CNTNAP2: variants seen among roughly 807,000 people sequenced by gnomAD.
CNTNAP2 encodes contactin associated protein 2, also known as contactin-associated protein-like 2.
Under a neutral mutation model 155.2 loss-of-function variants are expected in CNTNAP2, and 98 were observed. The observed-to-expected ratio is 0.63, with a 90% CI of 0.54 to 0.75. CNTNAP2 has a LOEUF of 0.75. CNTNAP2 is among the 30% of genes least tolerant of loss of function. The pLI, the probability that CNTNAP2 is intolerant of heterozygous loss-of-function variation, is 0.00. For missense variants in CNTNAP2, 1,727 were observed against 1,688.1 expected, an observed-to-expected ratio of 1.02 and a Z score of -0.40; for synonymous variants, 651 against 631.2, an observed-to-expected ratio of 1.03 and a Z score of -0.47.
At chr7:147,968,445 T>A (rs1233487434) in intron 14 of CNTNAP2, among the ~76,000 whole-genome samples, 1 of 152,190 alleles carries the variant, frequency 6.6e-6, no homozygotes. Context: ...GCTTCCTTCC[T>A]TCCATGCAGG....
intron 10 of CNTNAP2, among the ~76,000 whole-genome samples, chr7:147,481,784 G>A (rs764369479): frequency 5.3e-5 from 8 of 151,982 alleles, no homozygotes; most frequent in South Asian, 2.1e-4. Flanking sequence ...TCCTGATCCC[G>A]GTCAAGTCAT....
Position 146,451,531 on chromosome 7 carries a change from G to C in CNTNAP2, c.98-322740G>C, listed in dbSNP as rs141104648. Among the ~76,000 whole-genome samples, 1,071 of 152,180 alleles carry C rather than the reference G, an allele frequency of 7.0e-3. 13 individuals are homozygous for C. The highest frequency in any genetic ancestry group is 0.025 in the African/African-American group (1,022 of 41,528). On this transcript the variant is annotated intron_variant, in intron 1 of 23. Coordinates refer to ENST00000361727, the MANE Select transcript of CNTNAP2 (RefSeq NM_014141.6). ...TTCCACAGGGTGCTGAACTCAAATA[G>C]GCTGCACATTAGGTATAGTGCTCTG... is the stretch of plus-strand genomic sequence containing the variant.
intron 1 of CNTNAP2, among the ~76,000 whole-genome samples, chr7:146,338,574 C>T (rs528009536): frequency 4.5e-4 from 68 of 152,172 alleles, no homozygotes; most frequent in African/African-American, 1.5e-3. Context: ...GCATTTTCCT[C>T]CTCTTCCATG....
chr7:148,264,581 T>C (rs17170932), intron 20 of CNTNAP2, among the ~76,000 whole-genome samples: 29,653 of 152,258 alleles, frequency 0.19, 3,023 homozygotes, highest in Middle Eastern at 0.24. Context: ...CATTTATTAT[T>C]AGCAGGCAAC....
chr7:147,085,020 AT>A (rs1563071301), intron 4 of CNTNAP2, among the ~76,000 whole-genome samples: 1 of 151,860 alleles, frequency 6.6e-6, no homozygotes, highest in Non-Finnish European at 1.5e-5. Context: ...AATCAGGCTT[AT>A]TTTTTTCTCA....
At chr7:147,742,269 A>G (rs1040747270) in intron 13 of CNTNAP2, among the ~76,000 whole-genome samples, 2 of 152,230 alleles carry the variant, frequency 1.3e-5, no homozygotes, top group Non-Finnish European at 2.9e-5. Context: ...AACATTTGTC[A>G]CTGTTCCAGC....
intron 12 of CNTNAP2, among the ~76,000 whole-genome samples, chr7:147,638,257 C>T (rs546449369): frequency 1.3e-4 from 20 of 152,088 alleles, no homozygotes; most frequent in African/African-American, 4.1e-4. Context: ...CATTTCCAGC[C>T]GTAGAAGCCA....
intron 1 of CNTNAP2, among the ~76,000 whole-genome samples, chr7:146,171,063 A>AT (rs1470048881): frequency 2.6e-5 from 4 of 152,170 alleles, no homozygotes; most frequent in Non-Finnish European, 5.9e-5. Context: ...AGAGTTATTC[A>AT]TATGTGTGGA....
At chr7:146,347,577 T>C (rs888004856) in intron 1 of CNTNAP2, among the ~76,000 whole-genome samples, 3 of 152,172 alleles carry the variant, frequency 2.0e-5, no homozygotes, top group African/African-American at 7.2e-5. Context: ...ATTTGTTTGT[T>C]TGTTTTGAGA....
intron 23 of CNTNAP2, among the ~76,000 whole-genome samples, chr7:148,409,835 A>G (rs1799789363): frequency 1.9e-5 from 1 of 54,022 alleles, no homozygotes; most frequent in Admixed American, 1.2e-4. Context: ...GCGGATCACA[A>G]GGTCAGGAGA....
intron 13 of CNTNAP2, among the ~76,000 whole-genome samples, chr7:147,813,457 A>G (rs1798214075): frequency 6.6e-6 from 1 of 152,218 alleles, no homozygotes; most frequent in Non-Finnish European, 1.5e-5. Flanking sequence ...AGGTAGCTAG[A>G]TTTTTAAATG....
intron 13 of CNTNAP2, among the ~76,000 whole-genome samples, chr7:147,742,131 C>G (rs573320282): frequency 4.6e-5 from 7 of 152,094 alleles, no homozygotes; most frequent in Non-Finnish European, 8.8e-5. Flanking sequence ...GGCCTGCCCC[C>G]CTGATTCAAT....
chr7:148,346,787 A>T (rs1259530615), intron 21 of CNTNAP2, among the ~76,000 whole-genome samples: 1 of 151,692 alleles, frequency 6.6e-6, no homozygotes, highest in Non-Finnish European at 1.5e-5. Context: ...AAAAAAAAAA[A>T]AAAAAAAAAA....
chr7:147,634,731 T>C (rs1370063818), intron 12 of CNTNAP2, among the ~76,000 whole-genome samples: 1 of 152,226 alleles, frequency 6.6e-6, no homozygotes, highest in Non-Finnish European at 1.5e-5. Flanking sequence ...TATAATTTTA[T>C]TGAAGAATAG....
chr7:146,311,329 A>G (rs1308596570), intron 1 of CNTNAP2, among the ~76,000 whole-genome samples: 3 of 152,206 alleles, frequency 2.0e-5, no homozygotes, highest in Non-Finnish European at 2.9e-5. Context: ...GTTTAGTTTA[A>G]CTTAAAAACA....
intron 3 of CNTNAP2, among the ~76,000 whole-genome samples, chr7:146,974,834 A>G (rs1797876293): frequency 6.6e-6 from 1 of 151,990 alleles, no homozygotes; most frequent in Non-Finnish European, 1.5e-5. Context: ...TCCCATCTCT[A>G]CTAAAAATAC....
intron 1 of CNTNAP2, among the ~76,000 whole-genome samples, chr7:146,166,888 T>C (rs1210697955): frequency 6.6e-6 from 1 of 152,096 alleles, no homozygotes; most frequent in Non-Finnish European, 1.5e-5. Flanking sequence ...AAAGCTCAAA[T>C]CTGGTCCAAG....
chr7:148,237,827 C>T (rs1796070036), intron 20 of CNTNAP2, among the ~76,000 whole-genome samples: 1 of 152,160 alleles, frequency 6.6e-6, no homozygotes, highest in African/African-American at 2.4e-5. Context: ...AGCCCTAGTT[C>T]ACCACTTTCT....
chr7:147,567,595 G>T (rs1001005115), intron 12 of CNTNAP2, among the ~76,000 whole-genome samples: 3 of 152,118 alleles, frequency 2.0e-5, no homozygotes, highest in Non-Finnish European at 2.9e-5. Context: ...TTAAGAAGAG[G>T]AGTTGGCCAG....
Sources: gnomAD v4.1 joint callset for allele counts (sites outside exome capture counted in the v4.1 genomes callset) on GRCh38, gnomAD v4.1.1 for gene constraint, MANE v1.5 for transcripts, NCBI Gene and HGNC (gene_info 2026-07-23, HGNC 2026-07-21) for gene names.